The following SLC25A21 variants were observed in gnomAD, a reference collection of about 807,000 sequenced individuals.
The protein encoded by SLC25A21 is mitochondrial 2-oxodicarboxylate carrier.
In SLC25A21, 47 loss-of-function variants were observed where a neutral mutation model predicts 43.8. The observed-to-expected ratio is 1.07, with a 90% CI of 0.85 to 1.37. The LOEUF (loss-of-function observed/expected upper bound fraction) is 1.37, where lower values mean the gene tolerates loss of function less well. Among genes scored for constraint, SLC25A21 ranks in the 40% most tolerant of loss-of-function variants. SLC25A21 has a pLI of 0.00. For synonymous variants in SLC25A21, 131 were observed against 121.3 expected, an observed-to-expected ratio of 1.08 and a Z score of -0.52; for missense variants, 352 against 350.2, an observed-to-expected ratio of 1.00 and a Z score of -0.04.
chr14:36,869,251 CAT>C (rs1363550495), intron 2 of SLC25A21, among the ~76,000 whole-genome samples: 1 of 152,156 alleles, frequency 6.6e-6, no homozygotes, highest in Non-Finnish European at 1.5e-5. Flanking sequence ...ATTGACTTTG[CAT>C]AGTTTCAAAT....
At chr14:36,840,076 C>G (rs1001428019) in intron 2 of SLC25A21, among the ~76,000 whole-genome samples, 2 of 152,210 alleles carry the variant, frequency 1.3e-5, no homozygotes, top group Non-Finnish European at 2.9e-5. Flanking sequence ...CATTCTCCCA[C>G]AGCAGCAGCA....
chr14:36,919,622 CCTATCTATCTAT>C (rs3061765), intron 1 of SLC25A21, among the ~76,000 whole-genome samples: 38 of 61,516 alleles, frequency 6.2e-4, no homozygotes, highest in South Asian at 2.4e-3. Context: ...TATCTATCTA[CCTATCTATCTAT>C]CTATCTATCT....
At chr14:37,149,123 A>G (rs967039284) in intron 1 of SLC25A21, among the ~76,000 whole-genome samples, 3 of 151,588 alleles carry the variant, frequency 2.0e-5, no homozygotes, top group Non-Finnish European at 4.4e-5. Context: ...AGAATCACAT[A>G]GACATCATTA....
intron 1 of SLC25A21, among the ~76,000 whole-genome samples, chr14:36,917,526 G>A (rs1335629098): frequency 6.6e-6 from 1 of 152,060 alleles, no homozygotes; most frequent in Non-Finnish European, 1.5e-5. Context: ...TACATGTGCT[G>A]TTCATATTTT....
intron 1 of SLC25A21, among the ~76,000 whole-genome samples, chr14:37,076,929 T>C (rs1962293396): frequency 6.6e-6 from 1 of 152,210 alleles, no homozygotes; most frequent in Non-Finnish European, 1.5e-5. Flanking sequence ...CGTCTCTCTA[T>C]TGCAGAATAA....
rs1218663065 is a variant in SLC25A21, at chr14:36,863,199, T to C, written c.119+11757A>G. On this transcript the variant is annotated intron_variant, in intron 2 of 9. Coordinates refer to ENST00000331299, the MANE Select transcript of SLC25A21 (RefSeq NM_030631.4). ...CCCACTGACAGGCATGAAGAATGCA[T>C]TGTCGCTCTTCCATCTCATCCTCAG... is the stretch of plus-strand genomic sequence containing the variant. Among the ~76,000 whole-genome samples, 4 of 152,224 alleles carry C rather than the reference T, an allele frequency of 2.6e-5. No homozygotes were observed. The East Asian group carries it at 5.8e-4, about 22-fold the overall frequency.
At chr14:36,882,985 A>T (rs1566706478) in intron 1 of SLC25A21, among the ~76,000 whole-genome samples, 1 of 151,664 alleles carries the variant, frequency 6.6e-6, no homozygotes, top group Non-Finnish European at 1.5e-5. Context: ...TACTTCTCCT[A>T]CTCTGGTCCA....
At chr14:36,825,371 T>C (rs2138469279) in intron 2 of SLC25A21, among the ~76,000 whole-genome samples, 1 of 152,324 alleles carries the variant, frequency 6.6e-6, no homozygotes, top group Admixed American at 6.5e-5. Context: ...GGTTTCATTA[T>C]CATCAAATTA....
At chr14:36,974,500 C>T (rs1355112081) in intron 1 of SLC25A21, among the ~76,000 whole-genome samples, 1 of 152,126 alleles carries the variant, frequency 6.6e-6, no homozygotes, top group African/African-American at 2.4e-5. Context: ...ATTCTGAAAA[C>T]TCATATTTTC....
chr14:36,798,903 A>G (rs1045920910), intron 3 of SLC25A21, among the ~76,000 whole-genome samples: 9 of 106,674 alleles, frequency 8.4e-5, no homozygotes, highest in African/African-American at 2.7e-4. Flanking sequence ...AGGGAGAGAA[A>G]GAGAGAGAGA....
chr14:37,052,889 C>T (rs897285292), intron 1 of SLC25A21, among the ~76,000 whole-genome samples: 2 of 152,136 alleles, frequency 1.3e-5, no homozygotes, highest in East Asian at 1.9e-4. Context: ...CCACCTGCTT[C>T]GGCCTCCAAA....
intron 7 of SLC25A21, among the ~76,000 whole-genome samples, chr14:36,702,095 G>A (rs1796641732): frequency 6.6e-6 from 1 of 152,110 alleles, no homozygotes; most frequent in African/African-American, 2.4e-5. Flanking sequence ...AATTTAAGGG[G>A]AGTAAGTTGC....
At chr14:36,929,247 G>A (rs780977092) in intron 1 of SLC25A21, among the ~76,000 whole-genome samples, 1 of 152,128 alleles carries the variant, frequency 6.6e-6, no homozygotes, top group Non-Finnish European at 1.5e-5. Context: ...ACAGTGGTCT[G>A]TAACAAATAT....
rs143888152 is a variant in SLC25A21 at position 37,070,844 on chromosome 14, T to C, written c.70+101437A>G. 5.8e-4 allele frequency among the ~76,000 whole-genome samples: 89 copies of C among 152,282 alleles called. 1 individual carries two copies. In the Middle Eastern group the frequency reaches 0.031, roughly 52 times the overall value. On this transcript the variant is annotated intron_variant, in intron 1 of 9. Coordinates refer to ENST00000331299, the MANE Select transcript of SLC25A21 (RefSeq NM_030631.4). ...GTGAAATGGTGCTTGTCAGTGAAGA[T>C]AGGGTGCAGAGGTGAGAAGCGCTCT...
chr14:36,837,093 G>A (rs1889234298), intron 2 of SLC25A21, among the ~76,000 whole-genome samples: 1 of 152,128 alleles, frequency 6.6e-6, no homozygotes, highest in Non-Finnish European at 1.5e-5. Context: ...AGACAGGAAG[G>A]CATGCCACCT....
chr14:36,964,958 T>C (rs1013695031), intron 1 of SLC25A21, among the ~76,000 whole-genome samples: 1 of 152,192 alleles, frequency 6.6e-6, no homozygotes, highest in Non-Finnish European at 1.5e-5. Context: ...AAATAGATGA[T>C]AAACTTTTCT....
At chr14:36,716,769 T>C (rs917917980) in intron 6 of SLC25A21, among the ~76,000 whole-genome samples, 2 of 152,174 alleles carry the variant, frequency 1.3e-5, no homozygotes, top group African/African-American at 4.8e-5. Flanking sequence ...GGCAGGATTT[T>C]AGGCAGCAGG....
chr14:36,944,519 C>T (rs1892637952), intron 1 of SLC25A21, among the ~76,000 whole-genome samples: 1 of 152,124 alleles, frequency 6.6e-6, no homozygotes, highest in Non-Finnish European at 1.5e-5. Context: ...CTCTCTCCCT[C>T]ATCCACACAG....
rs547938180 is a variant in SLC25A21, at chr14:36,774,678, C to T, written c.203+39240G>A. ...AATCTCCTGGGCTCAAGGATCCTCC[C>T]CCTCAGCCTCCTGAGTAGCTGGGAT... On this transcript the variant is annotated intron_variant, in intron 3 of 9. Coordinates refer to ENST00000331299, the MANE Select transcript of SLC25A21 (RefSeq NM_030631.4). 1.4e-4 allele frequency among the ~76,000 whole-genome samples: 22 copies of T among 152,162 alleles called. No homozygotes were observed. The South Asian group carries it at 3.9e-3, about 27-fold the overall frequency.
Sources: gnomAD v4.1 joint callset for allele counts (sites outside exome capture counted in the v4.1 genomes callset) on GRCh38, gnomAD v4.1.1 for gene constraint, MANE v1.5 for transcripts, NCBI Gene and HGNC (gene_info 2026-07-23, HGNC 2026-07-21) for gene names.